CDYL2: variants seen among roughly 807,000 people sequenced by gnomAD.
The protein encoded by CDYL2 is chromodomain Y-like protein 2.
In CDYL2, 23 loss-of-function variants were observed where a neutral mutation model predicts 49.4. The observed-to-expected ratio is 0.47, with a 90% CI of 0.34 to 0.66. CDYL2 has a LOEUF of 0.66. CDYL2 is among the 30% of genes least tolerant of loss of function. The probability of loss-of-function intolerance (pLI) is 0.01; values close to 1 mark genes in which losing one functional copy is unlikely to be tolerated. For synonymous variants in CDYL2, 360 were observed against 268.8 expected (o/e 1.34, Z -3.32); for missense variants, 678 against 656.4 (o/e 1.03, Z -0.36).
intron 2 of CDYL2, among the ~76,000 whole-genome samples, chr16:80,682,707 C>T (rs1173420232): frequency 6.6e-6 from 1 of 152,142 alleles, no homozygotes; most frequent in Non-Finnish European, 1.5e-5. Flanking sequence ...CCCAAAGGGC[C>T]ACAAAATCTC....
chr16:80,746,166 C>G (rs186256636), intron 1 of CDYL2, among the ~76,000 whole-genome samples: 1 of 152,102 alleles, frequency 6.6e-6, no homozygotes, highest in African/African-American at 2.4e-5. Flanking sequence ...GCTGTACCTG[C>G]GTGAAAATAA....
In CDYL2 at chr16:80,642,306, G is replaced by A. The variant is rs147897761; in HGVS notation, c.617-9070C>T. Reference sequence around the variant, plus strand: ...AAAAATGCAAAAATTAGCTGGGCATGGTGGCATGCCCCTGTAATCCCAGCT... The same window carrying A: ...AAAAATGCAAAAATTAGCTGGGCATAGTGGCATGCCCCTGTAATCCCAGCT... On this transcript the variant is annotated intron_variant, in intron 2 of 6. Transcript: ENST00000570137. Among the ~76,000 whole-genome samples, 453 of 152,220 alleles carry A rather than the reference G, an allele frequency of 3.0e-3. 3 individuals carry two copies. The highest frequency in any genetic ancestry group is 0.011 in the African/African-American group (447 of 41,546).
intron 4 of CDYL2, among the ~76,000 whole-genome samples, chr16:80,615,263 T>C (rs1291139483): frequency 6.6e-6 from 1 of 152,072 alleles, no homozygotes; most frequent in Non-Finnish European, 1.5e-5. Context: ...AGGTCACTGG[T>C]TTTTGCAAGT....
At chr16:80,766,288 A>C (rs548820239) in intron 1 of CDYL2, among the ~76,000 whole-genome samples, 2 of 152,306 alleles carry the variant, frequency 1.3e-5, no homozygotes, top group East Asian at 3.9e-4. Flanking sequence ...ATTGACAAAA[A>C]AAAAGAGAAG....
chr16:80,638,099 A>G (rs1319889189), intron 2 of CDYL2, among the ~76,000 whole-genome samples: 1 of 151,948 alleles, frequency 6.6e-6, no homozygotes, highest in Non-Finnish European at 1.5e-5. Context: ...TCTTGAGACA[A>G]GGTCTTGCTG....
In CDYL2 at chr16:80,600,725, T is replaced by C. The variant is rs912028380; in HGVS notation, c.*3663A>G. Reference sequence around the variant, plus strand: ...AGATGTTTCTATTTGTTTCTCTCTGTTAAAAAATTTCCACAGAAACTAGAT... The same window carrying C: ...AGATGTTTCTATTTGTTTCTCTCTGCTAAAAAATTTCCACAGAAACTAGAT... On this transcript the variant is annotated 3_prime_UTR_variant, in exon 7 of 7. Transcript: ENST00000570137. The C allele has an allele frequency of 1.3e-5, 2 of 152,168 alleles. No homozygotes were observed. Among genetic ancestry groups the C allele is most frequent in the Non-Finnish European group, 2.9e-5 (2 of 68,004 alleles). 9.4% of individuals were successfully genotyped at this position (152,168 alleles called of 1,614,324 possible). A position where few individuals can be genotyped will look rare whatever the true frequency, so the allele number is the denominator to read the frequency against.
chr16:80,625,166 G>C (rs947673782), intron 3 of CDYL2, among the ~76,000 whole-genome samples: 3 of 152,206 alleles, frequency 2.0e-5, no homozygotes, highest in African/African-American at 7.2e-5. Flanking sequence ...GTCTGATGCA[G>C]GTTTACTGGG....
intron 1 of CDYL2, among the ~76,000 whole-genome samples, chr16:80,775,048 A>G (rs117252090): frequency 9.9e-5 from 15 of 150,978 alleles, no homozygotes; most frequent in Non-Finnish European, 2.1e-4. Flanking sequence ...ACTATATTAT[A>G]TCTTCATTTC....
intron 1 of CDYL2, among the ~76,000 whole-genome samples, chr16:80,762,961 T>C (rs1906583568): frequency 6.6e-6 from 1 of 152,216 alleles, no homozygotes; most frequent in Non-Finnish European, 1.5e-5. Flanking sequence ...TATTTAATAA[T>C]GTGTCTTTAA....
chr16:80,727,510 G>A (rs900504195), intron 1 of CDYL2, among the ~76,000 whole-genome samples: 1 of 152,210 alleles, frequency 6.6e-6, no homozygotes, highest in Non-Finnish European at 1.5e-5. Flanking sequence ...AGGTGGAAGC[G>A]AGGCTCGGGG....
intron 2 of CDYL2, among the ~76,000 whole-genome samples, chr16:80,647,985 C>T (rs1908423777): frequency 6.6e-6 from 1 of 151,902 alleles, no homozygotes; most frequent in Non-Finnish European, 1.5e-5. Flanking sequence ...ACAAAATATA[C>T]CAAAACCTAT....
chr16:80,723,155 T>C (rs774082462), intron 1 of CDYL2, among the ~76,000 whole-genome samples: 1 of 152,176 alleles, frequency 6.6e-6, no homozygotes, highest in African/African-American at 2.4e-5. Flanking sequence ...ATGTGTGGTC[T>C]ATAGGCCCAG....
chr16:80,681,230 C>T (rs1172601458), intron 2 of CDYL2, among the ~76,000 whole-genome samples: 2 of 152,104 alleles, frequency 1.3e-5, no homozygotes, highest in Non-Finnish European at 2.9e-5. Context: ...CAACTGCAGC[C>T]AGGATCCCCC....
At chr16:80,779,096 A>G (rs894330589) in intron 1 of CDYL2, among the ~76,000 whole-genome samples, 6 of 152,114 alleles carry the variant, frequency 3.9e-5, no homozygotes, top group Non-Finnish European at 7.4e-5. Flanking sequence ...GAATGTAGGA[A>G]GAAAAGAAGG....
intron 4 of CDYL2, among the ~76,000 whole-genome samples, chr16:80,614,265 C>A (rs940431838): frequency 3.3e-5 from 5 of 152,248 alleles, no homozygotes; most frequent in African/African-American, 9.6e-5. Context: ...CCGTCTCCGA[C>A]TGCATGTGGC....
chr16:80,752,563 A>C (rs2142565065), intron 1 of CDYL2, among the ~76,000 whole-genome samples: 1 of 152,350 alleles, frequency 6.6e-6, no homozygotes. Flanking sequence ...GAACAACAAT[A>C]AAACTGACAG....
chr16:80,794,546 T>C (rs1360046554), intron 1 of CDYL2, among the ~76,000 whole-genome samples: 2 of 151,658 alleles, frequency 1.3e-5, no homozygotes, highest in Non-Finnish European at 2.9e-5. Flanking sequence ...AAAAATATGG[T>C]ATATTAAACC....
chr16:80,706,133 C>T (rs1904396678), intron 1 of CDYL2, among the ~76,000 whole-genome samples: 1 of 152,204 alleles, frequency 6.6e-6, no homozygotes, highest in South Asian at 2.1e-4. Flanking sequence ...AACACCTAAT[C>T]CCCAGCCAAG....
intron 1 of CDYL2, among the ~76,000 whole-genome samples, chr16:80,723,969 GGGAGAGAGAGGAAGAAGCAA>G (rs376581333): frequency 0.026 from 3,952 of 149,332 alleles, 69 homozygotes; most frequent in African/African-American, 0.053. Context: ...AGAAAGAGGA[GGGAGAGAGAGGAAGAAGCAA>G]GGAGAGAAAG....
Sources: gnomAD v4.1 joint callset for allele counts (sites outside exome capture counted in the v4.1 genomes callset) on GRCh38, gnomAD v4.1.1 for gene constraint, MANE v1.5 for transcripts, NCBI Gene and HGNC (gene_info 2026-07-23, HGNC 2026-07-21) for gene names.